The following CNOT10 variants were observed in gnomAD, a reference collection of about 807,000 sequenced individuals.
CNOT10 encodes the protein CCR4-NOT transcription complex subunit 10.
A neutral mutation model predicts 94.6 loss-of-function variants in CNOT10; 30 were observed. The ratio of observed to expected loss-of-function variants is 0.32; its 90% confidence interval spans 0.24 to 0.43. The LOEUF (loss-of-function observed/expected upper bound fraction) is 0.43, where lower values mean the gene tolerates loss of function less well. Ranked by LOEUF, CNOT10 falls within the 20% of genes least tolerant of loss-of-function variation. The pLI is 1.00. For missense variants in CNOT10, 759 were observed against 877.2 expected (o/e 0.87, Z 1.70); for synonymous variants, 289 against 301.6 (o/e 0.96, Z 0.43).
chr3:32,737,111 C>T (rs775427393), intron 12 of CNOT10, among the ~76,000 whole-genome samples: 9 of 152,014 alleles, frequency 5.9e-5, no homozygotes, highest in African/African-American at 9.7e-5. Flanking sequence ...GTCGGGAGTT[C>T]GAGACCAGCC....
rs144911314 is a variant in CNOT10 at position 32,718,840 on chromosome 3, C to T, written c.745-1274C>T. 1.9e-3 allele frequency among the ~76,000 whole-genome samples: 289 copies of T among 152,184 alleles called. 2 individuals are homozygous for T. The highest frequency in any genetic ancestry group is 6.7e-3 in the African/African-American group (279 of 41,546). Reference sequence around the variant, plus strand: ...AAATTAAGTGAATAAATAGGCCAGGCGTGATGGCTCATGCCTGTAATTGCA... The same window carrying T: ...AAATTAAGTGAATAAATAGGCCAGGTGTGATGGCTCATGCCTGTAATTGCA... On this transcript the variant is annotated intron_variant, in intron 7 of 18. Transcript: ENST00000328834.
chr3:32,702,954 C>T (rs1401254281), intron 1 of CNOT10, among the ~76,000 whole-genome samples: 3 of 151,290 alleles, frequency 2.0e-5, no homozygotes, highest in Non-Finnish European at 4.4e-5. Flanking sequence ...CTCTGTCGCC[C>T]CGGCTGGAGT....
intron 13 of CNOT10, among the ~76,000 whole-genome samples, chr3:32,742,609 T>C (rs1231479622): frequency 6.6e-6 from 1 of 152,164 alleles, no homozygotes; most frequent in Non-Finnish European, 1.5e-5. Flanking sequence ...CTCAAACTCC[T>C]GAGCTCAAGT....
chr3:32,702,657 A>G (rs1697406206), intron 1 of CNOT10, among the ~76,000 whole-genome samples: 1 of 152,140 alleles, frequency 6.6e-6, no homozygotes. Context: ...TCTTAAAGCC[A>G]TCGTAGGTGT....
chr3:32,727,969 A>C, intron 10 of CNOT10, 99 bp downstream of exon 10: 1 of 762,266 alleles, frequency 1.3e-6, no homozygotes, highest in Admixed American at 3.1e-5. Flanking sequence ...CATACATAAG[A>C]CATTTCTCTT....
chr3:32,770,367 C>G (rs553241356), intron 18 of CNOT10, among the ~76,000 whole-genome samples: 1 of 136,700 alleles, frequency 7.3e-6, no homozygotes, highest in Non-Finnish European at 1.5e-5. Context: ...GCTCTGTAGC[C>G]CAGGCTGGAG....
chr3:32,748,549 G>A (rs549482844), intron 13 of CNOT10, among the ~76,000 whole-genome samples: 1 of 152,278 alleles, frequency 6.6e-6, no homozygotes, highest in East Asian at 1.9e-4. Flanking sequence ...GTCTCACTCT[G>A]TGGCCCAGGC....
At chr3:32,769,050 G>A (rs1700783331) in intron 17 of CNOT10, 1 of 152,176 alleles carries the variant, frequency 6.6e-6, no homozygotes. Flanking sequence ...ATTATTGTTA[G>A]TTATTTGCAT....
chr3:32,764,322 G>GC (rs1700574405), intron 15 of CNOT10, 133 bp from the exon 16 acceptor site: 1 of 836,916 alleles, frequency 1.2e-6, no homozygotes, highest in Admixed American at 2.6e-5. Flanking sequence ...GGGCAACAGA[G>GC]CGAGGCTCCA....
chr3:32,743,823 T>C (rs1022890758), intron 13 of CNOT10, among the ~76,000 whole-genome samples: 3 of 152,268 alleles, frequency 2.0e-5, no homozygotes, highest in Admixed American at 2.0e-4. Context: ...AGTAGGAGGA[T>C]TGATGATTTT....
intron 9 of CNOT10, among the ~76,000 whole-genome samples, chr3:32,726,961 C>T (rs1444382276): frequency 6.6e-6 from 1 of 151,010 alleles, no homozygotes; most frequent in Non-Finnish European, 1.5e-5. Context: ...ATTTTCCTGC[C>T]TCAGCCTCCC....
chr3:32,687,452 G>GTTTTTT (rs56091219), intron 1 of CNOT10, among the ~76,000 whole-genome samples: 8 of 60,400 alleles, frequency 1.3e-4, no homozygotes, highest in African/African-American at 1.7e-4. Context: ...TTTTTTTTTT[G>GTTTTTT]TTTTTTTTTT....
At chr3:32,693,943 T>A (rs1043346124) in intron 1 of CNOT10, among the ~76,000 whole-genome samples, 1 of 152,212 alleles carries the variant, frequency 6.6e-6, no homozygotes, top group African/African-American at 2.4e-5. Flanking sequence ...TATTTTATTT[T>A]GTGGACATTA....
chr3:32,695,902 T>A, intron 1 of CNOT10: 1 of 1,207,432 alleles, frequency 8.3e-7, no homozygotes, highest in Non-Finnish European at 1.2e-6. Context: ...TGAATACCCA[T>A]TTCTGGCAGA....
chr3:32,734,436 T>G (rs1034933331), intron 11 of CNOT10, among the ~76,000 whole-genome samples: 10 of 152,188 alleles, frequency 6.6e-5, no homozygotes, highest in African/African-American at 2.4e-4. Flanking sequence ...TCTGTTTTCT[T>G]CCCTTTCGTC....
intron 4 of CNOT10, among the ~76,000 whole-genome samples, chr3:32,710,660 G>A (rs970123757): frequency 1.3e-5 from 2 of 151,878 alleles, no homozygotes; most frequent in Non-Finnish European, 2.9e-5. Context: ...TCTTTTTACT[G>A]TCTCTACAGT....
chr3:32,703,522 A>G (rs1448881663), intron 1 of CNOT10, among the ~76,000 whole-genome samples: 1 of 152,170 alleles, frequency 6.6e-6, no homozygotes, highest in Non-Finnish European at 1.5e-5. Context: ...AAAATATCTT[A>G]CTGTACCCTA....
At chr3:32,710,988 G>C (rs1697861271) in intron 4 of CNOT10, among the ~76,000 whole-genome samples, 1 of 152,158 alleles carries the variant, frequency 6.6e-6, no homozygotes, top group South Asian at 2.1e-4. Context: ...AATGTGCTGG[G>C]ATTACAGGTG....
At chr3:32,690,449 A>G (rs1383054017) in intron 1 of CNOT10, among the ~76,000 whole-genome samples, 1 of 152,160 alleles carries the variant, frequency 6.6e-6, no homozygotes, top group Non-Finnish European at 1.5e-5. Flanking sequence ...CAGTGGCACC[A>G]TCATAGCTCA....
Sources: allele counts gnomAD v4.1 joint callset (sites outside exome capture counted in the v4.1 genomes callset), GRCh38; gene constraint gnomAD v4.1.1; transcripts MANE v1.5; gene names NCBI Gene and HGNC (gene_info 2026-07-23, HGNC 2026-07-21).